The following FAN1 variants were observed in gnomAD, a reference collection of about 807,000 sequenced individuals.
FAN1 encodes FANCD2 and FANCI associated nuclease 1.
Under a neutral mutation model 104.9 loss-of-function variants are expected in FAN1, and 91 were observed. The ratio of observed to expected loss-of-function variants is 0.87; its 90% CI spans 0.73 to 1.03. The LOEUF is 1.03. FAN1 is among the 50% of genes least tolerant of loss of function. The pLI is 0.00. For missense variants in FAN1, 1,263 were observed against 1,239.9 expected, an observed-to-expected ratio of 1.02 and a Z score of -0.28; for synonymous variants, 478 against 457.6, an observed-to-expected ratio of 1.04 and a Z score of -0.57.
In FAN1 at chr15:30,904,942, C is replaced by G; in HGVS notation, c.279C>G (p.Thr93=). 2 of 1,613,886 alleles carry G rather than the reference C, an allele frequency of 1.2e-6. No homozygotes were observed. The highest frequency in any genetic ancestry group is 2.2e-5 in the East Asian group (1 of 44,880). The change falls in exon 2 of 15, where the codon ACC becomes ACG. Residue 93 remains threonine (T), a synonymous_variant. Transcript: ENST00000362065. ...NVSMVDLTSV[T]LEDVTPKKSP... Reference sequence around the variant, plus strand: ...CTATGGTAGATTTAACCAGTGTTACCTTAGAAGATGTAACACCTAAGAAGT... The same window carrying G: ...CTATGGTAGATTTAACCAGTGTTACGTTAGAAGATGTAACACCTAAGAAGT...
intron 12 of FAN1, among the ~76,000 whole-genome samples, chr15:30,929,764 A>AT (rs2062606154): frequency 2.0e-5 from 1 of 49,666 alleles, no homozygotes; most frequent in African/African-American, 1.0e-4. Context: ...TATAATATAT[A>AT]AAATATATAA....
intron 2 of FAN1, 62 bp downstream of exon 2, chr15:30,905,959 A>G (rs932456024): frequency 2.1e-6 from 3 of 1,461,404 alleles, no homozygotes; most frequent in Non-Finnish European, 2.8e-6. Flanking sequence ...TGATTGGGGC[A>G]TGATGTGATG....
At chr15:30,928,506 TTGTGTGTGTGTG>T (rs61136501) in intron 10 of FAN1, 35 bp from the exon 11 acceptor site, 33 of 1,484,512 alleles carry the variant, frequency 2.2e-5, no homozygotes, top group South Asian at 1.3e-4. Context: ...AAAACAGATT[TTGTGTGTGTGTG>T]TGTGTGTGTG....
chr15:30,925,977 G>A lies in FAN1; in HGVS notation c.2488+38G>A, dbSNP rs374317948. 1.6e-4 allele frequency: 261 copies of A among 1,608,246 alleles called. No individual in the cohort carries two copies. The highest frequency in any genetic ancestry group is 3.3e-4 in the Middle Eastern group (2 of 6,020). Reference sequence around the variant, plus strand: ...GCTTTCTCTTGTGGCACCCAGCCCCGGGTGGACGAGCAGCAGCACTGGATG... The same window carrying A: ...GCTTTCTCTTGTGGCACCCAGCCCCAGGTGGACGAGCAGCAGCACTGGATG... On this transcript the variant is annotated intron_variant, in intron 10 of 14. Transcript: ENST00000362065.
chr15:30,934,124 C>T (rs1167830985), intron 13 of FAN1, among the ~76,000 whole-genome samples: 3 of 152,148 alleles, frequency 2.0e-5, no homozygotes, highest in Admixed American at 6.5e-5. Context: ...ACTTTTAGGA[C>T]TGTCATGTCC....
At chr15:30,932,287 A>G (rs2062733979) in intron 13 of FAN1, among the ~76,000 whole-genome samples, 2 of 152,000 alleles carry the variant, frequency 1.3e-5, no homozygotes, top group Non-Finnish European at 2.9e-5. Context: ...CTGTAGACCA[A>G]TCTGAGAGGA....
In FAN1 at chr15:30,914,059, C is replaced by G; in HGVS notation, c.1779C>G (p.Thr593=). Residue 593 remains threonine (T), a synonymous_variant, in exon 5 of 15, where the codon ACC becomes ACG. Transcript: ENST00000362065. ...CTAGTTACACCATCAATCGGAAAAC[C>G]CACATCTTCCAAGACAGAGATGATC... The part of the protein sequence containing the change: ...EFPSYTINRK[T]HIFQDRDDLI... 2 of 1,613,910 alleles carry G rather than the reference C, an allele frequency of 1.2e-6. No individual in the cohort carries two copies. The highest frequency in any genetic ancestry group is 1.7e-6 in the Non-Finnish European group (2 of 1,179,826).
At position 30,925,848 on chromosome 15, in the gene FAN1, G is replaced by A. The variant is rs2062448496; in HGVS notation, c.2397G>A (p.Met799Ile). 1 of 1,614,100 alleles carries A rather than the reference G, an allele frequency of 6.2e-7. No individual in the cohort carries two copies. Among genetic ancestry groups the A allele is most frequent in the Non-Finnish European group, 8.5e-7 (1 of 1,180,044 alleles). Reference sequence around the variant, plus strand: ...GGATGTGCAAGTCTGTGTTTGTGATGGAGGCCGGGGAGGCCGCTGACCCCA... The same window carrying A: ...GGATGTGCAAGTCTGTGTTTGTGATAGAGGCCGGGGAGGCCGCTGACCCCA... ...QRGMCKSVFVMEAGEAADPTT... is the reference protein window; with the variant it reads ...QRGMCKSVFVIEAGEAADPTT... The change falls in exon 10 of 15, where the codon ATG becomes ATA. Residue 799 changes from methionine (M) to isoleucine (I), a missense_variant. Met to Ile is a conservative substitution (Grantham distance 10). Coordinates refer to ENST00000362065, the MANE Select transcript of FAN1 (RefSeq NM_014967.5).
intron 1 of FAN1, 51 bp from the exon 2 acceptor site, chr15:30,904,461 C>T: frequency 5.9e-6 from 4 of 675,500 alleles, no homozygotes; most frequent in Non-Finnish European, 7.9e-6. Context: ...CGCTTTTCCC[C>T]TTGCTGAATT....
rs1406154694 is a variant in FAN1, at chr15:30,918,422, ATTTT to A, written c.1943+128_1943+131del. 697 of 919,230 alleles carry A rather than the reference ATTTT, an allele frequency of 7.6e-4. 5 individuals carry two copies. In the East Asian group the frequency reaches 0.01, roughly 13 times the overall value. 56.9% of individuals were successfully genotyped at this position (919,230 alleles called of 1,614,324 possible). A position where few individuals can be genotyped will look rare whatever the true frequency, so the allele number is the denominator to read the frequency against. On this transcript the variant is annotated intron_variant, in intron 6 of 14. Coordinates refer to ENST00000362065, the MANE Select transcript of FAN1 (RefSeq NM_014967.5). ...GTGGTTAAACCAGCTGTGGAATTGA[ATTTT>A]GTGCGTGCTTTGCCTAGAATGAAAG...
intron 2 of FAN1, 48 bp downstream of exon 2, chr15:30,905,945 G>A (rs1566908508): frequency 1.3e-6 from 2 of 1,538,444 alleles, no homozygotes; most frequent in Admixed American, 1.7e-5. Context: ...CCCTTTTGCT[G>A]CTCTGATTGG....
chr15:30,936,558 TAGA>T (rs1218317674), intron 13 of FAN1, among the ~76,000 whole-genome samples: 2 of 152,250 alleles, frequency 1.3e-5, no homozygotes, highest in East Asian at 1.9e-4. Flanking sequence ...TTCTACAGAA[TAGA>T]AGAATTTCTG....
intron 3 of FAN1, among the ~76,000 whole-genome samples, chr15:30,908,896 C>T (rs2062038756): frequency 1.3e-5 from 2 of 152,178 alleles, no homozygotes; most frequent in Admixed American, 1.3e-4. Flanking sequence ...GAGCTTGACT[C>T]ATCTTACTCA....
At position 30,905,064 on chromosome 15, in the gene FAN1, T is replaced by C; in HGVS notation, c.401T>C (p.Val134Ala). The C allele has an allele frequency of 6.2e-7, 1 of 1,613,988 alleles. No homozygotes were observed. The highest frequency in any genetic ancestry group is 8.5e-7 in the Non-Finnish European group (1 of 1,180,010). ...AGTCCCTACTTTAAAAGTAATGATG[T>C]GGTGTGCAAAAATCAAGATGAGCTG... is the stretch of plus-strand genomic sequence containing the variant. ...KISPYFKSND[V>A]VCKNQDELRN... Residue 134 changes from valine to alanine, a missense_variant, in exon 2 of 15, where the codon GTG (valine) becomes GCG (alanine). This residue lies in a region of FAN1 where 682 missense variants were observed against 571.1 expected (regional missense o/e 1.19). Coordinates refer to ENST00000362065, the MANE Select transcript of FAN1 (RefSeq NM_014967.5).
At position 30,905,269 on chromosome 15, in the gene FAN1, G is replaced by A; in HGVS notation, c.606G>A (p.Glu202=). 1 of 1,614,018 alleles carries A rather than the reference G, an allele frequency of 6.2e-7. No individual in the cohort carries two copies. The highest frequency in any genetic ancestry group is 1.1e-5 in the South Asian group (1 of 91,086). Residue 202 remains glutamate, a synonymous_variant, in exon 2 of 15, where the codon GAG becomes GAA. Coordinates refer to ENST00000362065, the MANE Select transcript of FAN1 (RefSeq NM_014967.5). ...ATAACTCTTCAGAAATTGAGGACGA[G>A]GATCAAATTTTGGAGAACAGTTCTC... ...LIDNSSEIED[E]DQILENSSQK...
intron 5 of FAN1, among the ~76,000 whole-genome samples, chr15:30,917,134 G>T (rs565942709): frequency 2.0e-5 from 3 of 152,316 alleles, no homozygotes; most frequent in African/African-American, 7.2e-5. Context: ...GTAAAGACAA[G>T]ACTTGATTCT....
chr15:30,913,478 A>G (rs2062139520), intron 4 of FAN1, among the ~76,000 whole-genome samples: 1 of 152,208 alleles, frequency 6.6e-6, no homozygotes, highest in African/African-American at 2.4e-5. Context: ...ATGACATTTT[A>G]AAGAAATACC....
At chr15:30,911,418 A>G (rs1372524647) in intron 4 of FAN1, 1 of 983,868 alleles carries the variant, frequency 1.0e-6, no homozygotes, top group Non-Finnish European at 1.2e-6. Flanking sequence ...AAAACACTTT[A>G]ACATGATGTT....
chr15:30,908,364 G>C (rs2062028988), intron 3 of FAN1, 106 bp downstream of exon 3: 4 of 879,444 alleles, frequency 4.5e-6, no homozygotes, highest in Non-Finnish European at 6.6e-6. Flanking sequence ...GGTGGTGCCT[G>C]GTAACTTACT....
Sources: gnomAD v4.1 joint callset for allele counts (sites outside exome capture counted in the v4.1 genomes callset) on GRCh38, gnomAD v4.1.1 for gene constraint, gnomAD v4.1.1 regional missense constraint, MANE v1.5 for transcripts, NCBI Gene and HGNC (gene_info 2026-07-23, HGNC 2026-07-21) for gene names.